SPOPL: variants seen among roughly 807,000 people sequenced by gnomAD.
SPOPL encodes speckle type BTB/POZ protein like, also known as speckle-type POZ protein-like.
Under a neutral mutation model 53.8 loss-of-function variants are expected in SPOPL, and 23 were observed. That is an observed-to-expected ratio of 0.43 (90% confidence interval 0.31 to 0.61). The LOEUF is 0.61. Ranked by LOEUF, SPOPL falls within the 20% of genes least tolerant of loss-of-function variation. SPOPL has a pLI of 0.12. For synonymous variants in SPOPL, 164 were observed against 149.7 expected, an observed-to-expected ratio of 1.10 and a Z score of -0.70; for missense variants, 442 against 466.9, an observed-to-expected ratio of 0.95 and a Z score of 0.49.
At chr2:138,535,577 CTT>C (rs1684912929) in intron 1 of SPOPL, among the ~76,000 whole-genome samples, 1 of 40,306 alleles carries the variant, frequency 2.5e-5, no homozygotes, top group Non-Finnish European at 5.1e-5. Flanking sequence ...TTTTTTTGGT[CTT>C]TTTCAGCATT....
chr2:138,563,875 C>A (rs1448838756), intron 8 of SPOPL, among the ~76,000 whole-genome samples: 1 of 152,138 alleles, frequency 6.6e-6, no homozygotes, highest in African/African-American at 2.4e-5. Context: ...AAATATTCAT[C>A]AGCAGTTGAA....
chr2:138,525,977 C>T (rs550755916), intron 1 of SPOPL, among the ~76,000 whole-genome samples: 2 of 152,086 alleles, frequency 1.3e-5, no homozygotes, highest in South Asian at 4.1e-4. Context: ...CTATAATGTT[C>T]TATATGTCCT....
chr2:138,569,107 G>A lies in SPOPL; in HGVS notation c.*27G>A. On this transcript the variant is annotated 3_prime_UTR_variant, in exon 11 of 11. Coordinates refer to ENST00000280098, the MANE Select transcript of SPOPL (RefSeq NM_001001664.3). ...ATCTTCCATGAACAGTTGAAAAATGGAATTGACTTTCACTCCTCCAGGTCC... is the reference window on the plus strand; with the variant it reads ...ATCTTCCATGAACAGTTGAAAAATGAAATTGACTTTCACTCCTCCAGGTCC... 3 of 1,605,490 alleles carry A rather than the reference G, an allele frequency of 1.9e-6. No individual in the cohort carries two copies. The highest frequency in any genetic ancestry group is 2.6e-6 in the Non-Finnish European group (3 of 1,176,074).
chr2:138,529,149 T>C (rs1684745122), intron 1 of SPOPL, among the ~76,000 whole-genome samples: 1 of 152,152 alleles, frequency 6.6e-6, no homozygotes, highest in Non-Finnish European at 1.5e-5. Flanking sequence ...GGAGAAAAAT[T>C]ATGAGTTGAA....
At chr2:138,548,645 A>C (rs946121706) in intron 1 of SPOPL, among the ~76,000 whole-genome samples, 1 of 151,800 alleles carries the variant, frequency 6.6e-6, no homozygotes, top group East Asian at 1.9e-4. Flanking sequence ...TTATTTGCTT[A>C]TTTTCTTATT....
chr2:138,550,165 C>T lies in SPOPL; in HGVS notation c.-52C>T. ...ACTTCTTTCCTTTGTAGGTAAGGTA[C>T]TCAACTGTGTGGGGTACTACATAAA... is the stretch of plus-strand genomic sequence containing the variant. On this transcript the variant is annotated 5_prime_UTR_variant, in exon 2 of 11. Coordinates refer to ENST00000280098, the MANE Select transcript of SPOPL (RefSeq NM_001001664.3). 1.3e-6 allele frequency: 2 copies of T among 1,549,102 alleles called. No individual in the cohort carries two copies. Among genetic ancestry groups the T allele is most frequent in the Admixed American group, 3.4e-5 (2 of 59,036 alleles).
rs894342161 is a variant in SPOPL, at chr2:138,533,414, C to T, written c.-60-16743C>T. ...CATATTATCATATTCAAAATATCTC[C>T]GTGTCTGTATCCTCTACTATGTTAT... On this transcript the variant is annotated intron_variant, in intron 1 of 10. Coordinates refer to ENST00000280098, the MANE Select transcript of SPOPL (RefSeq NM_001001664.3). Among the ~76,000 whole-genome samples, 10 of 152,152 alleles carry T rather than the reference C, an allele frequency of 6.6e-5. 1 individual carries two copies. The highest frequency in any genetic ancestry group is 6.2e-4 in the South Asian group (3 of 4,826).
At chr2:138,561,100 T>C (rs1289302538) in intron 8 of SPOPL, among the ~76,000 whole-genome samples, 173 bp downstream of exon 8, 1 of 152,178 alleles carries the variant, frequency 6.6e-6, no homozygotes, top group African/African-American at 2.4e-5. Context: ...TTAAAAGTCA[T>C]GATGTGAAAG....
chr2:138,514,329 G>C (rs752084666), intron 1 of SPOPL, among the ~76,000 whole-genome samples: 1 of 152,194 alleles, frequency 6.6e-6, no homozygotes, highest in Admixed American at 6.5e-5. Flanking sequence ...GAGGGCTTCC[G>C]TTTGAGTTTC....
intron 1 of SPOPL, among the ~76,000 whole-genome samples, chr2:138,528,408 C>G (rs147753870): frequency 0.011 from 1,624 of 152,242 alleles, 32 homozygotes; most frequent in African/African-American, 0.037. Flanking sequence ...AATTTATTGC[C>G]GTTCCTCTGA....
intron 1 of SPOPL, among the ~76,000 whole-genome samples, chr2:138,542,778 A>T (rs1685102506): frequency 6.6e-6 from 1 of 152,166 alleles, no homozygotes. Flanking sequence ...TCCTGTCATT[A>T]TGATGTTAGC....
intron 1 of SPOPL, among the ~76,000 whole-genome samples, chr2:138,520,806 T>C (rs1684540358): frequency 6.6e-6 from 1 of 152,230 alleles, no homozygotes; most frequent in Non-Finnish European, 1.5e-5. Flanking sequence ...ACCCTGTTTA[T>C]ATATTACTAT....
At chr2:138,549,557 T>C (rs1370394724) in intron 1 of SPOPL, among the ~76,000 whole-genome samples, 1 of 152,170 alleles carries the variant, frequency 6.6e-6, no homozygotes, top group East Asian at 1.9e-4. Flanking sequence ...GAGGAAATTT[T>C]ATGACATAGT....
At chr2:138,538,085 A>G (rs904147550) in intron 1 of SPOPL, among the ~76,000 whole-genome samples, 3 of 152,146 alleles carry the variant, frequency 2.0e-5, no homozygotes, top group Non-Finnish European at 2.9e-5. Flanking sequence ...GATACTTTGT[A>G]TAATTTAAAT....
intron 1 of SPOPL, among the ~76,000 whole-genome samples, chr2:138,548,638 T>C (rs914692049): frequency 6.6e-6 from 1 of 151,964 alleles, no homozygotes; most frequent in Non-Finnish European, 1.5e-5. Flanking sequence ...CTGTGAGTTA[T>C]TTGCTTATTT....
chr2:138,507,197 A>T (rs1398799476), intron 1 of SPOPL, among the ~76,000 whole-genome samples: 1 of 152,204 alleles, frequency 6.6e-6, no homozygotes, highest in African/African-American at 2.4e-5. Flanking sequence ...TACAATCCTA[A>T]ATTAAAATAA....
At chr2:138,551,493 C>T (rs1685312737) in intron 4 of SPOPL, among the ~76,000 whole-genome samples, 1 of 151,910 alleles carries the variant, frequency 6.6e-6, no homozygotes, top group African/African-American at 2.4e-5. Context: ...TGAACACTGA[C>T]TGAAAGGAGC....
chr2:138,518,031 A>C (rs1251518291), intron 1 of SPOPL, among the ~76,000 whole-genome samples: 2 of 147,414 alleles, frequency 1.4e-5, no homozygotes, highest in Non-Finnish European at 3.0e-5. Flanking sequence ...CTGGGCAACA[A>C]GAGCGAAACT....
intron 1 of SPOPL, among the ~76,000 whole-genome samples, chr2:138,538,333 A>G (rs1404579491): frequency 2.0e-5 from 3 of 152,052 alleles, no homozygotes; most frequent in South Asian, 2.1e-4. Flanking sequence ...AGAATTGTCT[A>G]TTCTCTCTTT....
Sources: allele counts gnomAD v4.1 joint callset (sites outside exome capture counted in the v4.1 genomes callset), GRCh38; gene constraint gnomAD v4.1.1; transcripts MANE v1.5; gene names NCBI Gene and HGNC (gene_info 2026-07-23, HGNC 2026-07-21).